The following PCSK5 variants were observed in gnomAD, a reference collection of about 807,000 sequenced individuals.
PCSK5 encodes proprotein convertase subtilisin/kexin type 5, also known as prohormone convertase 5.
PCSK5 carries 129 observed loss-of-function variants against 233.2 expected under a neutral mutation model. That is an observed-to-expected ratio of 0.55 (90% CI 0.48 to 0.64). The LOEUF is 0.64. Among genes scored for constraint, PCSK5 ranks in the 30% least tolerant of loss-of-function variants. PCSK5 has a pLI of 0.00. For synonymous variants in PCSK5, 825 were observed against 879.2 expected (o/e 0.94, Z 1.09); for missense variants, 2,076 against 2,430.1 (o/e 0.85, Z 3.06).
intron 24 of PCSK5, among the ~76,000 whole-genome samples, chr9:76,273,576 C>CATATAT (rs34398269): frequency 0.012 from 1,383 of 118,126 alleles, 45 homozygotes; most frequent in African/African-American, 0.03. Context: ...TATATATATA[C>CATATAT]ATATATATAT....
At chr9:76,005,481 A>G (rs1158336888) in intron 3 of PCSK5, among the ~76,000 whole-genome samples, 4 of 152,190 alleles carry the variant, frequency 2.6e-5, no homozygotes, top group Non-Finnish European at 5.9e-5. Flanking sequence ...TTATCACTTA[A>G]TCTGTTCTTG....
chr9:76,189,278 C>G, intron 19 of PCSK5, 55 bp downstream of exon 19: 1 of 1,490,694 alleles, frequency 6.7e-7, no homozygotes, highest in Non-Finnish European at 9.2e-7. Context: ...CTTTTGATGA[C>G]TATCTTCATA....
At chr9:76,031,632 T>C (rs1828655686) in intron 5 of PCSK5, among the ~76,000 whole-genome samples, 1 of 152,170 alleles carries the variant, frequency 6.6e-6, no homozygotes, top group African/African-American at 2.4e-5. Context: ...AAGGTTGCAG[T>C]GAGCCAAGAT....
intron 2 of PCSK5, among the ~76,000 whole-genome samples, chr9:75,965,287 GTGTGGA>G (rs766973304): frequency 5.3e-5 from 7 of 132,144 alleles, no homozygotes; most frequent in African/African-American, 1.9e-4. Flanking sequence ...GTGTGTGTGT[GTGTGGA>G]GAGAGAGAGA....
At chr9:76,254,987 AT>A (rs1826936386) in intron 24 of PCSK5, among the ~76,000 whole-genome samples, 1 of 152,218 alleles carries the variant, frequency 6.6e-6, no homozygotes, top group East Asian at 1.9e-4. Flanking sequence ...GGGCATCAGT[AT>A]TTTTTTAAAA....
At chr9:75,943,057 G>A (rs969085455) in intron 2 of PCSK5, among the ~76,000 whole-genome samples, 2 of 151,690 alleles carry the variant, frequency 1.3e-5, no homozygotes, top group South Asian at 4.2e-4. Context: ...GCTAATTTTT[G>A]TATTTTTAGT....
At chr9:76,331,677 A>AG (rs1217843024) in intron 33 of PCSK5, among the ~76,000 whole-genome samples, 1 of 151,398 alleles carries the variant, frequency 6.6e-6, no homozygotes, top group East Asian at 1.9e-4. Flanking sequence ...AAAAAAAAAA[A>AG]AAAAGAGAGA....
chr9:75,967,929 A>G (rs2131358371), intron 2 of PCSK5, among the ~76,000 whole-genome samples: 1 of 152,150 alleles, frequency 6.6e-6, no homozygotes, highest in South Asian at 2.1e-4. Context: ...CGCCTAGCTA[A>G]TTTTGTATTT....
chr9:76,171,367 G>A (rs921854637), intron 13 of PCSK5, among the ~76,000 whole-genome samples: 24 of 152,140 alleles, frequency 1.6e-4, no homozygotes, highest in African/African-American at 5.3e-4. Context: ...AAGAGACCCC[G>A]GAGAAATAAA....
At chr9:75,926,484 G>A (rs1823495045) in intron 1 of PCSK5, among the ~76,000 whole-genome samples, 1 of 152,176 alleles carries the variant, frequency 6.6e-6, no homozygotes, top group Non-Finnish European at 1.5e-5. Context: ...GTATTTGGTT[G>A]TTAGAAGGCG....
chr9:76,296,530 G>A (rs1472623515), intron 26 of PCSK5, 135 bp from the exon 27 acceptor site: 8 of 632,802 alleles, frequency 1.3e-5, no homozygotes, highest in Non-Finnish European at 2.0e-5. Context: ...GCAACAGAGA[G>A]AGACTCCATC....
At chr9:75,978,107 T>C (rs1335899495) in intron 2 of PCSK5, among the ~76,000 whole-genome samples, 1 of 152,228 alleles carries the variant, frequency 6.6e-6, no homozygotes, top group African/African-American at 2.4e-5. Flanking sequence ...GGATTAAGCC[T>C]AAATTTTTGG....
At chr9:76,326,606 C>G (rs1446750557) in intron 32 of PCSK5, among the ~76,000 whole-genome samples, 1 of 152,112 alleles carries the variant, frequency 6.6e-6, no homozygotes, top group African/African-American at 2.4e-5. Flanking sequence ...GCATCTCCAG[C>G]CTCAATTTCC....
chr9:76,089,869 G>A (rs1057450750), intron 7 of PCSK5, among the ~76,000 whole-genome samples: 4 of 152,080 alleles, frequency 2.6e-5, no homozygotes, highest in African/African-American at 4.8e-5. Context: ...AAGCCACAAG[G>A]AAATCCAATT....
chr9:76,127,707 CCTT>C (rs1425445337), intron 9 of PCSK5, among the ~76,000 whole-genome samples: 1 of 152,198 alleles, frequency 6.6e-6, no homozygotes, highest in Non-Finnish European at 1.5e-5. Flanking sequence ...CAAAAGTAGT[CCTT>C]CTGAGTTATA....
At chr9:76,018,628 C>T (rs984521672) in intron 3 of PCSK5, among the ~76,000 whole-genome samples, 1 of 151,872 alleles carries the variant, frequency 6.6e-6, no homozygotes, top group African/African-American at 2.4e-5. Flanking sequence ...ATCCTGGTGT[C>T]AAAAAGGTTG....
chr9:76,206,929 G>A (rs1440608571), intron 20 of PCSK5, among the ~76,000 whole-genome samples: 1 of 152,120 alleles, frequency 6.6e-6, no homozygotes, highest in African/African-American at 2.4e-5. Context: ...TTTCAGTAGG[G>A]CCACCCTACC....
At chr9:76,102,321 G>A (rs1001862360) in intron 8 of PCSK5, among the ~76,000 whole-genome samples, 15 of 152,092 alleles carry the variant, frequency 9.9e-5, no homozygotes, top group Admixed American at 5.9e-4. Context: ...CTTCCTTGCA[G>A]TGTTCCTGTG....
At chr9:76,066,904 G>A (rs145499432) in intron 5 of PCSK5, among the ~76,000 whole-genome samples, 108 of 152,186 alleles carry the variant, frequency 7.1e-4, no homozygotes, top group South Asian at 4.2e-3. Flanking sequence ...GTACCTTTTC[G>A]TATCTCTGGT....
Sources: allele counts gnomAD v4.1 joint callset (sites outside exome capture counted in the v4.1 genomes callset), GRCh38; gene constraint gnomAD v4.1.1; transcripts MANE v1.5; gene names NCBI Gene and HGNC (gene_info 2026-07-23, HGNC 2026-07-21).